The following FAF2 variants were observed in gnomAD, a reference collection of about 807,000 sequenced individuals.
FAF2 encodes FAS-associated factor 2.
A neutral mutation model predicts 62.3 loss-of-function variants in FAF2; 9 were observed. The observed-to-expected ratio is 0.14, with a 90% CI of 0.09 to 0.25. The LOEUF (loss-of-function observed/expected upper bound fraction) is 0.25, where lower values mean the gene tolerates loss of function less well. Ranked by LOEUF, FAF2 falls within the 10% of genes least tolerant of loss-of-function variation. The pLI, the probability that FAF2 is intolerant of heterozygous loss-of-function variation, is 1.00. For missense variants in FAF2, 368 were observed against 556.2 expected (o/e 0.66, Z 3.40); for synonymous variants, 202 against 198.0 (o/e 1.02, Z -0.17).
At chr5:176,493,146 C>A (rs755550210) in intron 5 of FAF2, among the ~76,000 whole-genome samples, 2 of 152,210 alleles carry the variant, frequency 1.3e-5, no homozygotes, top group African/African-American at 2.4e-5. Context: ...TTCTATTATG[C>A]AGCCTCCAGA....
chr5:176,506,222 G>T (rs1755682947), intron 10 of FAF2, among the ~76,000 whole-genome samples: 1 of 150,274 alleles, frequency 6.7e-6, no homozygotes, highest in African/African-American at 2.4e-5. Context: ...AAAAAAAACT[G>T]GATCCCTTTG....
chr5:176,471,854 T>C (rs1758576186), intron 1 of FAF2, among the ~76,000 whole-genome samples: 1 of 150,904 alleles, frequency 6.6e-6, no homozygotes, highest in South Asian at 2.1e-4. Context: ...TATGCCCAGC[T>C]AATTTTTTGT....
chr5:176,503,785 T>C (rs1755633530), intron 10 of FAF2, among the ~76,000 whole-genome samples: 1 of 152,190 alleles, frequency 6.6e-6, no homozygotes, highest in Non-Finnish European at 1.5e-5. Flanking sequence ...AGAACTAATT[T>C]TTCTGTCCAT....
At chr5:176,490,500 C>CT (rs1758955312) in intron 4 of FAF2, among the ~76,000 whole-genome samples, 1 of 141,498 alleles carries the variant, frequency 7.1e-6, no homozygotes, top group South Asian at 2.3e-4. Flanking sequence ...GTTCCCTGTA[C>CT]TTCCCTTCAA....
chr5:176,508,665 A>G lies in FAF2; in HGVS notation c.*1715A>G, dbSNP rs932142912. 1.3e-5 allele frequency: 2 copies of G among 152,172 alleles called. No homozygotes were observed. The highest frequency in any genetic ancestry group is 2.9e-5 in the Non-Finnish European group (2 of 68,034). 9.4% of individuals were successfully genotyped at this position (152,172 alleles called of 1,614,324 possible). A position where few individuals can be genotyped will look rare whatever the true frequency, so the allele number is the denominator to read the frequency against. ...AATTTAATTCTGTCCCTGGCCAGCT[A>G]TTGTTCTTCCACTTCGTTTTCTGCT... On this transcript the variant is annotated 3_prime_UTR_variant, in exon 11 of 11. Transcript: ENST00000261942.
chr5:176,501,111 A>C (rs1755583585), intron 10 of FAF2, among the ~76,000 whole-genome samples: 1 of 151,424 alleles, frequency 6.6e-6, no homozygotes, highest in Non-Finnish European at 1.5e-5. Flanking sequence ...CGGGCAACAG[A>C]GACCCTGTAA....
chr5:176,475,321 T>C (rs912522916), intron 1 of FAF2, among the ~76,000 whole-genome samples: 1 of 152,018 alleles, frequency 6.6e-6, no homozygotes, highest in Non-Finnish European at 1.5e-5. Context: ...TTTATAGAGA[T>C]GGAGTTTCTC....
intron 1 of FAF2, among the ~76,000 whole-genome samples, chr5:176,451,809 T>C (rs866489348): frequency 3.0e-4 from 7 of 23,520 alleles, no homozygotes; most frequent in Non-Finnish European, 4.7e-4. Context: ...CATATATATA[T>C]ACACACATAT....
Position 176,507,329 on chromosome 5 carries a change from A to G in FAF2, c.*379A>G. On this transcript the variant is annotated 3_prime_UTR_variant, in exon 11 of 11. Transcript: ENST00000261942. ...CATTCTTGCTTTTATGAAAAATAAA[A>G]GTGAAAAACCTCCATCAACCAGCTA... 1 of 453,780 alleles carries G rather than the reference A, an allele frequency of 2.2e-6. No individual in the cohort carries two copies. Among genetic ancestry groups the G allele is most frequent in the Non-Finnish European group, 4.4e-6 (1 of 225,604 alleles). 28.1% of individuals were successfully genotyped at this position (453,780 alleles called of 1,614,324 possible). A position where few individuals can be genotyped will look rare whatever the true frequency, so the allele number is the denominator to read the frequency against.
intron 7 of FAF2, among the ~76,000 whole-genome samples, chr5:176,495,879 G>T (rs147568357): frequency 6.6e-6 from 1 of 151,988 alleles, no homozygotes; most frequent in East Asian, 1.9e-4. Flanking sequence ...GAAAAGTTAC[G>T]TGGGGAGAAA....
Position 176,506,979 on chromosome 5 carries a change from C to T in FAF2, c.*29C>T. ...TTTTTTCTTCCTGTCCCCTCCTACC[C>T]CAGTCCCTAAAAGAAATGGGGAAAA... On this transcript the variant is annotated 3_prime_UTR_variant, in exon 11 of 11. Transcript: ENST00000261942. 3 of 1,393,216 alleles carry T rather than the reference C, an allele frequency of 2.2e-6. No individual in the cohort carries two copies. The highest frequency in any genetic ancestry group is 2.8e-6 in the Non-Finnish European group (3 of 1,061,762). The allele number at this position is 1,393,216 out of a possible 1,614,324, so 86.3% of individuals were successfully genotyped here.
At chr5:176,480,286 C>G (rs1758766350) in intron 2 of FAF2, among the ~76,000 whole-genome samples, 1 of 150,636 alleles carries the variant, frequency 6.6e-6, no homozygotes, top group South Asian at 2.1e-4. Context: ...AAAACGTGTT[C>G]CCTTTTTTTT....
intron 1 of FAF2, among the ~76,000 whole-genome samples, chr5:176,455,439 A>T (rs1425347426): frequency 6.6e-6 from 1 of 151,250 alleles, no homozygotes; most frequent in Non-Finnish European, 1.5e-5. Context: ...ACAGAGTGAG[A>T]CCCTGTCTCA....
At chr5:176,475,256 T>A (rs963212128) in intron 1 of FAF2, among the ~76,000 whole-genome samples, 1 of 152,066 alleles carries the variant, frequency 6.6e-6, no homozygotes, top group African/African-American at 2.4e-5. Context: ...TGATCCTTCT[T>A]GAGTAGCTGG....
intron 10 of FAF2, 22 bp from the exon 11 acceptor site, chr5:176,506,742 CTTCT>C: frequency 6.2e-7 from 1 of 1,600,950 alleles, no homozygotes; most frequent in Non-Finnish European, 8.5e-7. Flanking sequence ...TCTCACCACC[CTTCT>C]TTTTCTATAT....
chr5:176,452,249 G>A lies in FAF2; in HGVS notation c.63+3779G>A, dbSNP rs1393810363. Among the ~76,000 whole-genome samples the A allele has an allele frequency of 2.6e-5, 4 of 151,954 alleles. No individual in the cohort carries two copies. In the East Asian group the frequency reaches 7.7e-4, roughly 29 times the overall value. ...ATTTTTGTATTTTTAGTACAGACAA[G>A]GTTTCCCCGTGTTGGCCAGGCTGGT... On this transcript the variant is annotated intron_variant, in intron 1 of 10. Coordinates refer to ENST00000261942, the MANE Select transcript of FAF2 (RefSeq NM_014613.3).
chr5:176,463,116 G>A lies in FAF2; in HGVS notation c.63+14646G>A, dbSNP rs373914391. On this transcript the variant is annotated intron_variant, in intron 1 of 10. Coordinates refer to ENST00000261942, the MANE Select transcript of FAF2 (RefSeq NM_014613.3). ...CTAGAATAGGAATTAATAGGGGCCA[G>A]GCCTGGTGGCTCATGCCTGTAATCC... Among the ~76,000 whole-genome samples the A allele has an allele frequency of 3.3e-5, 5 of 152,268 alleles. No individual in the cohort carries two copies. The East Asian group carries it at 7.7e-4, about 24-fold the overall frequency.
intron 10 of FAF2, among the ~76,000 whole-genome samples, chr5:176,503,127 T>C (rs1330760514): frequency 6.6e-6 from 1 of 152,206 alleles, no homozygotes; most frequent in African/African-American, 2.4e-5. Flanking sequence ...AAATGCTTGG[T>C]CATAAATGGG....
In FAF2 at chr5:176,473,317, A is replaced by G. The variant is rs1758606216; in HGVS notation, c.64-5871A>G. On this transcript the variant is annotated intron_variant, in intron 1 of 10. Coordinates refer to ENST00000261942, the MANE Select transcript of FAF2 (RefSeq NM_014613.3). ...TTTTGTAGAATATTTCTCAATTGAT[A>G]TTTGCCTAATGTTTCTCTCATAATT... Among the ~76,000 whole-genome samples, 3 of 152,110 alleles carry G rather than the reference A, an allele frequency of 2.0e-5. No individual in the cohort carries two copies. The South Asian group carries it at 6.2e-4, about 31-fold the overall frequency.
Sources: allele counts gnomAD v4.1 joint callset (sites outside exome capture counted in the v4.1 genomes callset), GRCh38; gene constraint gnomAD v4.1.1; transcripts MANE v1.5; gene names NCBI Gene and HGNC (gene_info 2026-07-23, HGNC 2026-07-21).